The following TBC1D32 variants were observed in gnomAD, a reference collection of about 807,000 sequenced individuals.
TBC1D32 encodes the protein protein broad-minded.
Under a neutral mutation model 170.3 loss-of-function variants are expected in TBC1D32, and 151 were observed. The observed-to-expected ratio is 0.89, with a 90% confidence interval of 0.78 to 1.01. The LOEUF is 1.01. TBC1D32 is among the 50% of genes least tolerant of loss of function. The pLI, the probability that TBC1D32 is intolerant of heterozygous loss-of-function variation, is 0.00. For synonymous variants in TBC1D32, 498 were observed against 488.0 expected, an observed-to-expected ratio of 1.02 and a Z score of -0.27; for missense variants, 1,464 against 1,457.1, an observed-to-expected ratio of 1.00 and a Z score of -0.08.
chr6:121,268,009 C>G (rs1800785469), intron 15 of TBC1D32, among the ~76,000 whole-genome samples: 1 of 152,142 alleles, frequency 6.6e-6, no homozygotes, highest in Admixed American at 6.5e-5. Flanking sequence ...TGGAGTGGAC[C>G]TCCAGCAAAC....
chr6:121,138,684 G>A (rs2128223435), intron 24 of TBC1D32, among the ~76,000 whole-genome samples: 1 of 152,138 alleles, frequency 6.6e-6, no homozygotes, highest in South Asian at 2.1e-4. Flanking sequence ...GAAAATGCCT[G>A]ACTTGACATA....
intron 22 of TBC1D32, among the ~76,000 whole-genome samples, chr6:121,181,764 A>G (rs1388856733): frequency 6.6e-6 from 1 of 152,168 alleles, no homozygotes; most frequent in Non-Finnish European, 1.5e-5. Flanking sequence ...AACGTAATAC[A>G]TTTACTAAAC....
chr6:121,151,249 T>G (rs1044338155), intron 24 of TBC1D32, among the ~76,000 whole-genome samples: 3 of 152,220 alleles, frequency 2.0e-5, no homozygotes, highest in Non-Finnish European at 4.4e-5. Flanking sequence ...TGCCTAAATT[T>G]TATTATTTAC....
chr6:121,216,796 C>T (rs182785602), intron 21 of TBC1D32, among the ~76,000 whole-genome samples: 1 of 152,206 alleles, frequency 6.6e-6, no homozygotes, highest in Non-Finnish European at 1.5e-5. Flanking sequence ...GATACTGAGC[C>T]TCAAATCTGC....
At position 121,161,059 on chromosome 6, in the gene TBC1D32, G is replaced by GA. The variant is rs745475655; in HGVS notation, c.2571-4dup. 1.3e-6 allele frequency: 2 copies of GA among 1,596,126 alleles called. No individual in the cohort carries two copies. Among genetic ancestry groups the GA allele is most frequent in the Admixed American group, 3.4e-5 (2 of 58,576 alleles). ...ATAAGCCATCAATTATAAAGTCCCT[G>GA]AAAAAATAAATATATCACCTTTGTC... On this transcript the variant is annotated splice_region_variant and splice_polypyrimidine_tract_variant and intron_variant, in intron 22 of 31. Coordinates refer to ENST00000398212, the MANE Select transcript of TBC1D32 (RefSeq NM_152730.6).
intron 4 of TBC1D32, 45 bp from the exon 5 acceptor site, chr6:121,308,146 A>C (rs776783533): frequency 6.3e-7 from 1 of 1,575,746 alleles, no homozygotes; most frequent in East Asian, 2.3e-5. Context: ...AGTCACTAAA[A>C]TAATGCCACT....
At position 121,256,095 on chromosome 6, in the gene TBC1D32, C is replaced by T. The variant is rs758891570; in HGVS notation, c.1924G>A (p.Ala642Thr). The T allele has an allele frequency of 6.2e-7, 1 of 1,608,072 alleles. No individual in the cohort carries two copies. ...TYNLHESIAK[A>T]WKKTSLLSER... ...TTGAAAATACTTACCTTTTTCCATGCCTTTGCTATAGATTCATGCAAATTA... is the reference window on the plus strand; with the variant it reads ...TTGAAAATACTTACCTTTTTCCATGTCTTTGCTATAGATTCATGCAAATTA... The change falls in exon 16 of 32, where the codon GCA (alanine) becomes ACA (threonine). Residue 642 changes from alanine to threonine, a missense_variant. By Grantham distance (58) the Ala-to-Thr change is moderately conservative (BLOSUM62 0). Coordinates refer to ENST00000398212, the MANE Select transcript of TBC1D32 (RefSeq NM_152730.6).
At chr6:121,304,678 G>A in intron 6 of TBC1D32, 53 bp from the exon 7 acceptor site, 1 of 1,537,828 alleles carries the variant, frequency 6.5e-7, no homozygotes, top group East Asian at 2.3e-5. Context: ...AGTGCTTTCT[G>A]AAAAAAATTA....
At chr6:121,116,394 T>C (rs1332649180) in intron 26 of TBC1D32, among the ~76,000 whole-genome samples, 1 of 152,120 alleles carries the variant, frequency 6.6e-6, no homozygotes, top group African/African-American at 2.4e-5. Flanking sequence ...TAAAGGTATT[T>C]TAAAGCCCTA....
chr6:121,181,828 C>A (rs1273767), intron 22 of TBC1D32, among the ~76,000 whole-genome samples: 91 of 152,096 alleles, frequency 6.0e-4, no homozygotes, highest in Non-Finnish European at 1.1e-3. Context: ...GCAACAACAT[C>A]GATGGAACTG....
intron 22 of TBC1D32, among the ~76,000 whole-genome samples, chr6:121,179,469 T>G (rs1373045775): frequency 6.6e-6 from 1 of 151,470 alleles, no homozygotes; most frequent in Non-Finnish European, 1.5e-5. Flanking sequence ...TAACAGATGA[T>G]AATAAAACAA....
At chr6:121,142,337 G>T (rs1428442411) in intron 24 of TBC1D32, among the ~76,000 whole-genome samples, 2 of 152,216 alleles carry the variant, frequency 1.3e-5, no homozygotes, top group African/African-American at 4.8e-5. Flanking sequence ...CACTTCGGAT[G>T]TTCTATTGGT....
intron 24 of TBC1D32, among the ~76,000 whole-genome samples, chr6:121,141,878 G>A (rs1167233833): frequency 6.6e-6 from 1 of 152,090 alleles, no homozygotes; most frequent in Non-Finnish European, 1.5e-5. Context: ...AAAAGGTTAT[G>A]GCTAAAGGCA....
At chr6:121,203,746 C>T (rs1791887615) in intron 22 of TBC1D32, among the ~76,000 whole-genome samples, 1 of 151,334 alleles carries the variant, frequency 6.6e-6, no homozygotes, top group Non-Finnish European at 1.5e-5. Context: ...GTCCATGTTG[C>T]TAACCACCAT....
intron 15 of TBC1D32, among the ~76,000 whole-genome samples, chr6:121,268,748 G>A (rs1406406087): frequency 6.6e-6 from 1 of 152,104 alleles, no homozygotes; most frequent in African/African-American, 2.4e-5. Flanking sequence ...TCAAATTCAG[G>A]AAGTACAGAG....
At chr6:121,325,653 C>T (rs1186822750) in intron 1 of TBC1D32, among the ~76,000 whole-genome samples, 2 of 152,128 alleles carry the variant, frequency 1.3e-5, no homozygotes, top group Non-Finnish European at 2.9e-5. Flanking sequence ...AAACGTAAGA[C>T]CTAAAACCAT....
chr6:121,201,581 C>A (rs529128538), intron 22 of TBC1D32, among the ~76,000 whole-genome samples: 1 of 151,198 alleles, frequency 6.6e-6, no homozygotes, highest in Non-Finnish European at 1.5e-5. Context: ...AATAATGACC[C>A]CTGGAGAGAA....
intron 30 of TBC1D32, among the ~76,000 whole-genome samples, chr6:121,100,574 CA>C (rs1262468476): frequency 3.3e-5 from 5 of 151,974 alleles, no homozygotes; most frequent in Admixed American, 1.3e-4. Context: ...ATCTCTGGGA[CA>C]CATTTAAAGC....
chr6:121,172,069 G>A (rs9375006), intron 22 of TBC1D32, among the ~76,000 whole-genome samples: 45,139 of 151,882 alleles, frequency 0.3, 7,651 homozygotes, highest in East Asian at 0.7. Context: ...GGAAGGGAAC[G>A]AATGAGACAG....
Sources: gnomAD v4.1 joint callset for allele counts (sites outside exome capture counted in the v4.1 genomes callset) on GRCh38, gnomAD v4.1.1 for gene constraint, MANE v1.5 for transcripts, NCBI Gene and HGNC (gene_info 2026-07-23, HGNC 2026-07-21) for gene names.